Variants in TRRAP observed in about 807,000 individuals in gnomAD.
TRRAP encodes transformation/transcription domain-associated protein.
TRRAP carries 41 observed loss-of-function variants against 438.8 expected under a neutral mutation model. The observed-to-expected ratio is 0.09, with a 90% confidence interval of 0.07 to 0.12. The LOEUF is 0.12. Among genes scored for constraint, TRRAP ranks in the 10% least tolerant of loss-of-function variants. The pLI, the probability that TRRAP is intolerant of heterozygous loss-of-function variation, is 1.00. For synonymous variants in TRRAP, 1,994 were observed against 1,962.9 expected (o/e 1.02, Z -0.42); for missense variants, 3,122 against 5,055.1 (o/e 0.62, Z 11.60).
intron 56 of TRRAP, among the ~76,000 whole-genome samples, chr7:98,977,776 C>T (rs1258282444): frequency 6.6e-6 from 1 of 152,240 alleles, no homozygotes; most frequent in Admixed American, 6.5e-5. Flanking sequence ...GCAGATGTGG[C>T]CTTGCGGCTC....
chr7:98,936,746 C>G (rs1206266245), intron 28 of TRRAP, among the ~76,000 whole-genome samples: 1 of 152,120 alleles, frequency 6.6e-6, no homozygotes, highest in African/African-American at 2.4e-5. Context: ...CTTCTTCCCC[C>G]TCAAGCTTTC....
At chr7:98,892,749 A>G (rs1251068003) in intron 5 of TRRAP, among the ~76,000 whole-genome samples, 2 of 152,202 alleles carry the variant, frequency 1.3e-5, no homozygotes, top group Admixed American at 1.3e-4. Flanking sequence ...AATTGGCCAG[A>G]CATAGTAGGT....
At chr7:98,990,362 G>A (rs993693427) in intron 63 of TRRAP, 93 bp from the exon 64 acceptor site, 28 of 1,411,298 alleles carry the variant, frequency 2.0e-5, no homozygotes, top group Middle Eastern at 5.0e-4. Flanking sequence ...CAGTAAAGCC[G>A]CTCTATACAG....
At chr7:99,000,674 C>G (rs1370271135) in intron 67 of TRRAP, among the ~76,000 whole-genome samples, 1 of 152,236 alleles carries the variant, frequency 6.6e-6, no homozygotes. Flanking sequence ...GCTCTCTGCC[C>G]CAGCGCTGGG....
At chr7:98,961,121 A>T (rs1395237735) in intron 45 of TRRAP, 140 bp from the exon 46 acceptor site, 1 of 712,226 alleles carries the variant, frequency 1.4e-6, no homozygotes, top group Admixed American at 2.3e-5. Context: ...GTGAAATACG[A>T]TTGTCATTCT....
chr7:98,984,840 G>T, intron 61 of TRRAP, 104 bp from the exon 62 acceptor site: 1 of 640,232 alleles, frequency 1.6e-6, no homozygotes, highest in African/African-American at 1.8e-5. Context: ...AAAGTACATT[G>T]GTCAATGACT....
rs546043045 is a variant in TRRAP at position 98,993,845 on chromosome 7, A to G, written c.10047+108A>G. 19 of 1,145,784 alleles carry G rather than the reference A, an allele frequency of 1.7e-5. No individual in the cohort carries two copies. The African/African-American group carries it at 2.0e-4, about 12-fold the overall frequency. 71.0% of individuals were successfully genotyped at this position (1,145,784 alleles called of 1,614,324 possible). A position where few individuals can be genotyped will look rare whatever the true frequency, so the allele number is the denominator to read the frequency against. ...GAGCTTTAGTTGCCGGTCCTTTTAT[A>G]TATTTGTTGTTGAACTTAACCATGG... On this transcript the variant is annotated intron_variant, in intron 66 of 72. Transcript: ENST00000456197.
In TRRAP at chr7:98,984,845, A is replaced by G. The variant is rs763941855; in HGVS notation, c.9289-99A>G. 1.2e-5 allele frequency: 8 copies of G among 675,240 alleles called. No homozygotes were observed. The African/African-American group carries it at 1.4e-4, about 12-fold the overall frequency. The allele number at this position is 675,240 out of a possible 1,614,324, so 41.8% of individuals were successfully genotyped here. The stretch of plus-strand genomic sequence containing the variant: ...TTGTCAATTTAAAGTACATTGGTCA[A>G]TGACTCATAGGACTTACTGCCTAGA... On this transcript the variant is annotated intron_variant, in intron 61 of 72. Transcript: ENST00000456197.
In TRRAP at chr7:99,011,977, C is replaced by T. The variant is rs932491093; in HGVS notation, c.11338-94C>T. Reference sequence around the variant, plus strand: ...TCGACTGGCCCTTGGTGGCCCTGAGCGGCCGCTGTGGTTGAGTCCCACCTT... The same window carrying T: ...TCGACTGGCCCTTGGTGGCCCTGAGTGGCCGCTGTGGTTGAGTCCCACCTT... On this transcript the variant is annotated intron_variant, in intron 72 of 72. Coordinates refer to ENST00000456197, the MANE Select transcript of TRRAP (RefSeq NM_001375524.1). The surrounding 1 kb of genome is among the most constrained non-coding windows in gnomAD (Gnocchi z 7.1). 1.1e-5 allele frequency: 17 copies of T among 1,488,528 alleles called. No homozygotes were observed. Among genetic ancestry groups the T allele is most frequent in the South Asian group, 1.1e-4 (8 of 75,686 alleles). 92.2% of individuals were successfully genotyped at this position (1,488,528 alleles called of 1,614,324 possible). A position where few individuals can be genotyped will look rare whatever the true frequency, so the allele number is the denominator to read the frequency against.
Position 99,013,054 on chromosome 7 carries a change from A to C in TRRAP, c.*699A>C, listed in dbSNP as rs1360331059. 6.6e-6 allele frequency: 1 copy of C among 152,264 alleles called. No homozygotes were observed. Among genetic ancestry groups the C allele is most frequent in the Non-Finnish European group, 1.5e-5 (1 of 68,046 alleles). The allele number at this position is 152,264 out of a possible 1,614,324, so 9.4% of individuals were successfully genotyped here. On this transcript the variant is annotated 3_prime_UTR_variant, in exon 73 of 73. Transcript: ENST00000456197. ...CTCTTCGGATGTCTTCTAGACATTT[A>C]CTATCACTGCACCTGAAGAAAAAAT...
In TRRAP at chr7:98,914,249, A is replaced by G. The variant is rs897672748; in HGVS notation, c.2200-1474A>G. Among the ~76,000 whole-genome samples the G allele has an allele frequency of 2.0e-5, 3 of 151,944 alleles. No individual in the cohort carries two copies. The East Asian group carries it at 5.8e-4, about 29-fold the overall frequency. On this transcript the variant is annotated intron_variant, in intron 18 of 72. Coordinates refer to ENST00000456197, the MANE Select transcript of TRRAP (RefSeq NM_001375524.1). ...ATCTCTACAAAATAATTTAAAAAAA[A>G]ATTAGCTGGATGTGGTGGTGTGCAC... is the stretch of plus-strand genomic sequence containing the variant.
In TRRAP at chr7:98,908,942, G is replaced by A. The variant is rs782361946; in HGVS notation, c.1330G>A (p.Val444Ile). 15 of 1,613,516 alleles carry A rather than the reference G, an allele frequency of 9.3e-6. No homozygotes were observed. In the Middle Eastern group the frequency reaches 4.9e-4, roughly 53 times the overall value. ...SEQESGNGRD[V>I]LMRMLEVFVL... ...GCAGGAGAGTGGCAATGGGAGAGAC[G>A]TCCTGATGCGGATGCTGGAGGTACC... Residue 444 changes from valine to isoleucine, a missense_variant, in exon 14 of 73, where the codon GTC becomes ATC. Physicochemically the swap from Val to Ile is conservative, Grantham distance 29 (BLOSUM62 3). Transcript: ENST00000456197. The surrounding 1 kb of genome is among the most constrained non-coding windows in gnomAD (Gnocchi z 4.1).
chr7:98,899,739 A>G lies in TRRAP; in HGVS notation c.772A>G (p.Ile258Val), dbSNP rs1584283772. The G allele has an allele frequency of 1.2e-6, 2 of 1,614,174 alleles. No homozygotes were observed. The highest frequency in any genetic ancestry group is 2.2e-5 in the East Asian group (1 of 44,884). The change falls in exon 10 of 73, where the codon ATT (isoleucine) becomes GTT (valine). Residue 258 changes from isoleucine to valine, a missense_variant. Coordinates refer to ENST00000456197, the MANE Select transcript of TRRAP (RefSeq NM_001375524.1). ...GTTTGTGCCCTTGATCATGAACACC[A>G]TTGCCATTCAGGTGTCTGCACAAGC... ...AEFVPLIMNTIAIQVSAQARQ... is the reference protein window; with the variant it reads ...AEFVPLIMNTVAIQVSAQARQ...
At chr7:98,990,901 T>C (rs957406863) in intron 64 of TRRAP, among the ~76,000 whole-genome samples, 5 of 152,240 alleles carry the variant, frequency 3.3e-5, no homozygotes, top group Non-Finnish European at 7.3e-5. Context: ...AATAAACTTG[T>C]AGTAAAACAT....
rs889251174 is a variant in TRRAP, at chr7:98,931,323, A to G, written c.3592-82A>G. ...GGCATGGACCCCAGTGACAGTCTTT[A>G]TGGCAGACAGGTGTGCAGGAGACGG... On this transcript the variant is annotated intron_variant, in intron 25 of 72. Coordinates refer to ENST00000456197, the MANE Select transcript of TRRAP (RefSeq NM_001375524.1). 11 of 1,556,214 alleles carry G rather than the reference A, an allele frequency of 7.1e-6. No homozygotes were observed. In the East Asian group the frequency reaches 1.8e-4, roughly 25 times the overall value.
In TRRAP at chr7:98,970,204, C is replaced by G. The variant is rs200799197; in HGVS notation, c.7605C>G (p.Ala2535=). The G allele has an allele frequency of 5.6e-6, 9 of 1,613,858 alleles. No homozygotes were observed. In the Admixed American group the frequency reaches 1.0e-4, roughly 18 times the overall value. ...CCATCACCAACGTCATCAACCTGGC[C>G]GATAGCCACGACCGTGCCGCCTTCG... ...LPSITNVINL[A]DSHDRAAFAM... Residue 2535 remains alanine (A), a synonymous_variant, in exon 52 of 73, where the codon GCC becomes GCG. Transcript: ENST00000456197.
chr7:98,954,835 C>T (rs1346202094), intron 40 of TRRAP, among the ~76,000 whole-genome samples: 1 of 152,230 alleles, frequency 6.6e-6, no homozygotes, highest in Non-Finnish European at 1.5e-5. Flanking sequence ...GGGATCCCTG[C>T]AGGGAGCTTG....
At position 98,994,291 on chromosome 7, in the gene TRRAP, G is replaced by T. The variant is rs1017290315; in HGVS notation, c.10048-296G>T. 6.6e-6 allele frequency among the ~76,000 whole-genome samples: 1 copy of T among 152,220 alleles called. No homozygotes were observed. Among genetic ancestry groups the T allele is most frequent in the Non-Finnish European group, 1.5e-5 (1 of 68,030 alleles). ...AGTACAGCTGCCTGAAAATGCAGGG[G>T]TTTTGTGGCTAATCGCAGACGGGTG... is the stretch of plus-strand genomic sequence containing the variant. On this transcript the variant is annotated intron_variant, in intron 66 of 72. Coordinates refer to ENST00000456197, the MANE Select transcript of TRRAP (RefSeq NM_001375524.1). The surrounding 1 kb of genome is among the most constrained non-coding windows in gnomAD (Gnocchi z 4.8).
chr7:98,901,128 A>G (rs560918856), intron 11 of TRRAP, among the ~76,000 whole-genome samples: 3 of 152,360 alleles, frequency 2.0e-5, no homozygotes, highest in East Asian at 3.9e-4. Context: ...AAAAAATCCC[A>G]TAGGCTAGGT....
Sources: gnomAD v4.1 joint callset for allele counts (sites outside exome capture counted in the v4.1 genomes callset) on GRCh38, gnomAD v4.1.1 for gene constraint, Gnocchi (gnomAD v3.1) non-coding constraint, MANE v1.5 for transcripts, NCBI Gene and HGNC (gene_info 2026-07-23, HGNC 2026-07-21) for gene names.